The following AKR1C4 variants were observed in gnomAD, a reference collection of about 807,000 sequenced individuals.
AKR1C4 encodes aldo-keto reductase family 1 member C4.
AKR1C4 carries 44 observed loss-of-function variants against 41.0 expected under a neutral mutation model. The observed-to-expected ratio is 1.07, with a 90% CI of 0.84 to 1.38. The LOEUF is 1.38. Among genes scored for constraint, AKR1C4 ranks in the 40% most tolerant of loss-of-function variants. The probability of loss-of-function intolerance (pLI) is 0.00; values close to 1 mark genes in which losing one functional copy is unlikely to be tolerated. For synonymous variants in AKR1C4, 165 were observed against 137.7 expected (o/e 1.20, Z -1.39); for missense variants, 438 against 387.9 (o/e 1.13, Z -1.09).
intron 8 of AKR1C4, among the ~76,000 whole-genome samples, chr10:5,217,806 G>A (rs1438442060): frequency 6.6e-6 from 1 of 152,138 alleles, no homozygotes; most frequent in East Asian, 1.9e-4. Flanking sequence ...CCCATCTTTG[G>A]GGATAATATA....
At chr10:5,198,468 A>T (rs1293213893) in intron 1 of AKR1C4, among the ~76,000 whole-genome samples, 4 of 152,180 alleles carry the variant, frequency 2.6e-5, no homozygotes, top group African/African-American at 9.7e-5. Flanking sequence ...CAAGACCGGA[A>T]GTTTGGTGTG....
chr10:5,204,606 G>A (rs1348703706), intron 3 of AKR1C4, 113 bp downstream of exon 3: 6 of 868,498 alleles, frequency 6.9e-6, no homozygotes, highest in Non-Finnish European at 1.2e-5. Flanking sequence ...TGGCAGAAGA[G>A]TCCTAAGTAT....
intron 2 of AKR1C4, 65 bp downstream of exon 2, chr10:5,200,413 C>T: frequency 2.0e-6 from 3 of 1,532,364 alleles, no homozygotes; most frequent in South Asian, 1.3e-5. Flanking sequence ...GATGACAATT[C>T]TGTAACTGGT....
At chr10:5,210,146 G>A (rs1832549920) in intron 5 of AKR1C4, among the ~76,000 whole-genome samples, 1 of 152,178 alleles carries the variant, frequency 6.6e-6, no homozygotes, top group Non-Finnish European at 1.5e-5. Context: ...ACCCATGCAA[G>A]TCTGAAATCC....
At chr10:5,198,552 T>C (rs1324841919) in intron 1 of AKR1C4, among the ~76,000 whole-genome samples, 2 of 152,182 alleles carry the variant, frequency 1.3e-5, no homozygotes, top group African/African-American at 4.8e-5. Flanking sequence ...ATAGCATCCC[T>C]TGTAGTCAAC....
intron 3 of AKR1C4, 94 bp from the exon 4 acceptor site, chr10:5,205,663 C>A: frequency 9.3e-7 from 1 of 1,075,838 alleles, no homozygotes; most frequent in Non-Finnish European, 1.4e-6. Flanking sequence ...CAGCACCTAC[C>A]TCACGGTGGA....
chr10:5,207,815 G>A, intron 5 of AKR1C4: 1 of 309,674 alleles, frequency 3.2e-6, no homozygotes, highest in South Asian at 2.9e-5. Context: ...ATGCAAGACT[G>A]TCTACAGCCT....
intron 8 of AKR1C4, among the ~76,000 whole-genome samples, chr10:5,217,753 C>T (rs1832675642): frequency 6.6e-6 from 1 of 152,106 alleles, no homozygotes; most frequent in South Asian, 2.1e-4. Flanking sequence ...GAGCAAGACT[C>T]AGTCATTAAA....
At chr10:5,217,214 A>C (rs1398462707) in intron 8 of AKR1C4, among the ~76,000 whole-genome samples, 1 of 152,236 alleles carries the variant, frequency 6.6e-6, no homozygotes, top group Non-Finnish European at 1.5e-5. Flanking sequence ...CATTTCCAAC[A>C]ACACTGGTGT....
Position 5,200,331 on chromosome 10 carries a change from A to G in AKR1C4, c.235A>G (p.Ile79Val), listed in dbSNP as rs1554796797. The part of the protein sequence containing the change: ...IADGSVKRED[I>V]FYTSKLWCTF... ...AGATGGCAGTGTGAAGAGAGAAGAC[A>G]TATTCTACACTTCAAAGGTACTGTG... is the stretch of plus-strand genomic sequence containing the variant. The change falls in exon 2 of 9, where the codon ATA becomes GTA. Residue 79 changes from isoleucine to valine, a missense_variant. Physicochemically the swap from Ile to Val is conservative, Grantham distance 29. Coordinates refer to ENST00000263126, the MANE Select transcript of AKR1C4 (RefSeq NM_001818.5). 2 of 1,613,838 alleles carry G rather than the reference A, an allele frequency of 1.2e-6. No individual in the cohort carries two copies. The highest frequency in any genetic ancestry group is 3.3e-5 in the Admixed American group (2 of 60,006).
chr10:5,200,347 A>T lies in AKR1C4; in HGVS notation c.251A>T (p.Lys84Met). ...AGAGAAGACATATTCTACACTTCAA[A>T]GGTACTGTGCCTATGATGAGCATGT... The part of the protein sequence containing the change: ...VKREDIFYTS[K>M]LWCTFFQPQM... Residue 84 changes from lysine (K) to methionine (M), a missense_variant and splice_region_variant, in exon 2 of 9, where the codon AAG becomes ATG. Physicochemically the swap from Lys to Met is moderately conservative, Grantham distance 95. Coordinates refer to ENST00000263126, the MANE Select transcript of AKR1C4 (RefSeq NM_001818.5). The T allele has an allele frequency of 6.2e-7, 1 of 1,612,608 alleles. No individual in the cohort carries two copies. Among genetic ancestry groups the T allele is most frequent in the Non-Finnish European group, 8.5e-7 (1 of 1,179,164 alleles).
intron 1 of AKR1C4, 135 bp from the exon 2 acceptor site, chr10:5,200,046 A>T: frequency 9.2e-7 from 1 of 1,083,394 alleles, no homozygotes. Flanking sequence ...GCTCCCCTAG[A>T]GGTCTGAGCA....
At chr10:5,200,513 G>A (rs1832384192) in intron 2 of AKR1C4, among the ~76,000 whole-genome samples, 165 bp downstream of exon 2, 1 of 152,206 alleles carries the variant, frequency 6.6e-6, no homozygotes, top group East Asian at 1.9e-4. Context: ...AGAGAATGAT[G>A]ATGCCTTTCT....
In AKR1C4 at chr10:5,213,105, G is replaced by C; in HGVS notation, c.792G>C (p.Gly264=). ...LIALRYQLQR[G]VVVLAKSYNE... is the part of the protein sequence containing the mutation. ...CCCTGCGCTACCAGCTGCAGCGTGG[G>C]GTTGTGGTCCTGGCCAAGAGCTACA... The change falls in exon 7 of 9, where the codon GGG becomes GGC. Residue 264 remains glycine, a synonymous_variant. Transcript: ENST00000263126. The C allele has an allele frequency of 1.9e-6, 3 of 1,614,132 alleles. No individual in the cohort carries two copies. Among genetic ancestry groups the C allele is most frequent in the Non-Finnish European group, 2.5e-6 (3 of 1,180,022 alleles).
At chr10:5,199,176 GA>G (rs1392478306) in intron 1 of AKR1C4, among the ~76,000 whole-genome samples, 1 of 152,104 alleles carries the variant, frequency 6.6e-6, no homozygotes, top group Non-Finnish European at 1.5e-5. Context: ...TACTAACCAG[GA>G]AAGACTTCAG....
chr10:5,205,732 A>G, intron 3 of AKR1C4, 25 bp from the exon 4 acceptor site: 2 of 1,607,680 alleles, frequency 1.2e-6, no homozygotes, highest in Non-Finnish European at 1.7e-6. Context: ...AAATGGTGAC[A>G]CTAAAGTGAC....
chr10:5,206,714 C>CA (rs1554797526), intron 5 of AKR1C4, among the ~76,000 whole-genome samples: 1 of 123,002 alleles, frequency 8.1e-6, no homozygotes, highest in Admixed American at 7.4e-5. Context: ...GAAAGACCAC[C>CA]AGAGAGTGGA....
chr10:5,199,021 AAAT>A (rs1286792263), intron 1 of AKR1C4, among the ~76,000 whole-genome samples: 2 of 152,168 alleles, frequency 1.3e-5, no homozygotes, highest in African/African-American at 2.4e-5. Flanking sequence ...ACTCTGTCTC[AAAT>A]AATAATAACT....
chr10:5,211,201 C>T (rs1360921717), intron 5 of AKR1C4, among the ~76,000 whole-genome samples: 2 of 152,224 alleles, frequency 1.3e-5, no homozygotes, highest in African/African-American at 4.8e-5. Flanking sequence ...GAGACATTTT[C>T]CCCATTGTCT....
Sources: gnomAD v4.1 joint callset for allele counts (sites outside exome capture counted in the v4.1 genomes callset) on GRCh38, gnomAD v4.1.1 for gene constraint, MANE v1.5 for transcripts, NCBI Gene and HGNC (gene_info 2026-07-23, HGNC 2026-07-21) for gene names.